SAMSN1: variants seen among roughly 807,000 people sequenced by gnomAD.
SAMSN1 encodes the protein SAM domain-containing protein SAMSN-1.
SAMSN1 carries 31 observed loss-of-function variants against 42.0 expected under a neutral mutation model. That is an observed-to-expected ratio of 0.74 (90% CI 0.55 to 1.00). The LOEUF is 1.00. Among genes scored for constraint, SAMSN1 ranks in the 50% least tolerant of loss-of-function variants. The pLI is 0.00. For synonymous variants in SAMSN1, 178 were observed against 151.9 expected (o/e 1.17, Z -1.26); for missense variants, 464 against 439.4 (o/e 1.06, Z -0.50).
At position 14,521,228 on chromosome 21, in the gene SAMSN1, A is replaced by G. The variant is rs1391759329; in HGVS notation, c.58-7T>C. 2 of 1,601,640 alleles carry G rather than the reference A, an allele frequency of 1.2e-6. No homozygotes were observed. The highest frequency in any genetic ancestry group is 1.7e-6 in the Non-Finnish European group (2 of 1,171,640). ...TCCCAAAACTGCTGCTTCGCTATAA[A>G]ATAGAAAAGAAAAAGCAAAGGAAAC... On this transcript the variant is annotated splice_polypyrimidine_tract_variant and splice_region_variant and intron_variant, in intron 1 of 7. Transcript: ENST00000400566.
Position 14,485,830 on chromosome 21 carries a change from A to G in SAMSN1, c.*82T>C. On this transcript the variant is annotated 3_prime_UTR_variant, in exon 8 of 8. Coordinates refer to ENST00000400566, the MANE Select transcript of SAMSN1 (RefSeq NM_022136.5). ...GGTTTTATTTACAAATATTTATCTT[A>G]TCTTCCTCTCCTATTTGACGTTTTA... 9.6e-7 allele frequency: 1 copy of G among 1,037,024 alleles called. No individual in the cohort carries two copies. Among genetic ancestry groups the G allele is most frequent in the South Asian group, 1.3e-5 (1 of 77,006 alleles). 64.2% of individuals were successfully genotyped at this position (1,037,024 alleles called of 1,614,324 possible). A position where few individuals can be genotyped will look rare whatever the true frequency, so the allele number is the denominator to read the frequency against.
intron 2 of SAMSN1, among the ~76,000 whole-genome samples, chr21:14,567,129 T>A (rs1378324021): frequency 6.6e-6 from 1 of 152,120 alleles, no homozygotes; most frequent in Admixed American, 6.5e-5. Context: ...GTTTCATGGC[T>A]CCTAGAACCA....
At chr21:14,632,677 G>A (rs950687116) in intron 2 of SAMSN1, among the ~76,000 whole-genome samples, 8 of 152,074 alleles carry the variant, frequency 5.3e-5, no homozygotes, top group African/African-American at 1.7e-4. Flanking sequence ...TTAAGAATAT[G>A]GGCCTGACTT....
At chr21:14,536,144 A>T (rs574254704) in intron 1 of SAMSN1, among the ~76,000 whole-genome samples, 44 of 152,342 alleles carry the variant, frequency 2.9e-4, no homozygotes, top group Non-Finnish European at 5.9e-4. Flanking sequence ...TTAACACTAG[A>T]AAGGAGGAGA....
At chr21:14,622,783 C>G (rs889932664) in intron 2 of SAMSN1, among the ~76,000 whole-genome samples, 8 of 152,122 alleles carry the variant, frequency 5.3e-5, no homozygotes, top group African/African-American at 1.9e-4. Context: ...CACAAAGATA[C>G]TCCTTGAGAA....
At chr21:14,622,653 C>T (rs531961699) in intron 2 of SAMSN1, among the ~76,000 whole-genome samples, 69 of 152,238 alleles carry the variant, frequency 4.5e-4, no homozygotes, top group South Asian at 8.3e-4. Context: ...ATTGGTGTAC[C>T]TGAAAGTGAC....
chr21:14,630,694 GCTTGTTATGAGTCATTACACAATCTC>G (rs745827496), intron 2 of SAMSN1, among the ~76,000 whole-genome samples: 35 of 152,232 alleles, frequency 2.3e-4, no homozygotes, highest in Non-Finnish European at 4.1e-4. Context: ...TTACATATTG[GCTTGTTATGAGTCATTACACAATCTC>G]AAAGTCAAGG....
At chr21:14,527,952 T>A (rs1271488888) in intron 1 of SAMSN1, among the ~76,000 whole-genome samples, 2 of 152,120 alleles carry the variant, frequency 1.3e-5, no homozygotes, top group Admixed American at 1.3e-4. Flanking sequence ...TGAATAGAAA[T>A]TATGATATTC....
chr21:14,556,743 T>C (rs750197628), intron 2 of SAMSN1, among the ~76,000 whole-genome samples: 5 of 152,186 alleles, frequency 3.3e-5, no homozygotes, highest in Non-Finnish European at 7.4e-5. Context: ...CATGTGTTAT[T>C]TGTGGGAAGA....
At chr21:14,571,587 G>C (rs1293075311) in intron 2 of SAMSN1, among the ~76,000 whole-genome samples, 1 of 152,126 alleles carries the variant, frequency 6.6e-6, no homozygotes, top group Non-Finnish European at 1.5e-5. Flanking sequence ...TCTGAAAAAG[G>C]TGGTTATGAC....
chr21:14,648,604 G>A, intron 1 of SAMSN1, among the ~76,000 whole-genome samples: 1 of 151,918 alleles, frequency 6.6e-6, no homozygotes. Flanking sequence ...CAAAAAGTGG[G>A]CAAAGGATAT....
At chr21:14,542,362 C>A (rs1381592188) in intron 1 of SAMSN1, among the ~76,000 whole-genome samples, 4 of 152,054 alleles carry the variant, frequency 2.6e-5, no homozygotes, top group African/African-American at 9.7e-5. Context: ...GCCTTAGGCT[C>A]TACATATGAG....
chr21:14,645,422 T>C (rs1168325491), intron 1 of SAMSN1, among the ~76,000 whole-genome samples: 1 of 152,218 alleles, frequency 6.6e-6, no homozygotes. Context: ...ATCAATGAGG[T>C]ACTTTGAGTC....
intron 7 of SAMSN1, among the ~76,000 whole-genome samples, chr21:14,486,536 G>A (rs1986446217): frequency 6.6e-6 from 1 of 152,220 alleles, no homozygotes; most frequent in Middle Eastern, 3.4e-3. Flanking sequence ...CAAGTCAATA[G>A]TGATCTTTGT....
chr21:14,512,631 T>C (rs1987737964), intron 3 of SAMSN1, 58 bp from the exon 4 acceptor site: 5 of 1,484,090 alleles, frequency 3.4e-6, no homozygotes, highest in South Asian at 1.2e-5. Context: ...GAGATGTACA[T>C]TGAGTACATT....
chr21:14,558,323 C>T (rs1393806385), intron 2 of SAMSN1, among the ~76,000 whole-genome samples: 1 of 151,530 alleles, frequency 6.6e-6, no homozygotes, highest in African/African-American at 2.4e-5. Context: ...TTGAATTAGA[C>T]AACATGAGAA....
intron 5 of SAMSN1, among the ~76,000 whole-genome samples, chr21:14,501,518 T>C (rs1987151960): frequency 6.6e-6 from 1 of 152,212 alleles, no homozygotes; most frequent in African/African-American, 2.4e-5. Context: ...CAAAGTAATA[T>C]ATATGTAACA....
At chr21:14,525,346 T>C (rs775358957) in intron 1 of SAMSN1, among the ~76,000 whole-genome samples, 2 of 152,144 alleles carry the variant, frequency 1.3e-5, no homozygotes, top group Admixed American at 6.5e-5. Flanking sequence ...CAGAAGAGCA[T>C]GTTAAATGTT....
intron 5 of SAMSN1, 99 bp from the exon 6 acceptor site, chr21:14,500,834 A>T: frequency 2.2e-6 from 2 of 918,770 alleles, no homozygotes; most frequent in Non-Finnish European, 3.4e-6. Flanking sequence ...CATTATGCTA[A>T]AGGGGTTCAG....
Sources: gnomAD v4.1 joint callset for allele counts (sites outside exome capture counted in the v4.1 genomes callset) on GRCh38, gnomAD v4.1.1 for gene constraint, MANE v1.5 for transcripts, NCBI Gene and HGNC (gene_info 2026-07-23, HGNC 2026-07-21) for gene names.